The following SMARCA5 variants were observed in gnomAD, a reference collection of about 807,000 sequenced individuals.
SMARCA5 encodes SWI/SNF-related matrix-associated actin-dependent regulator of chromatin subfamily A member 5.
Under a neutral mutation model 140.4 loss-of-function variants are expected in SMARCA5, and 18 were observed. The ratio of observed to expected loss-of-function variants is 0.13; its 90% confidence interval spans 0.09 to 0.19. SMARCA5 has a LOEUF of 0.19. SMARCA5 is among the 10% of genes least tolerant of loss of function. The pLI is 1.00. For missense variants in SMARCA5, 606 were observed against 1,276.8 expected, an observed-to-expected ratio of 0.47 and a Z score of 8.01; for synonymous variants, 449 against 419.6, an observed-to-expected ratio of 1.07 and a Z score of -0.86.
chr4:143,520,553 C>T (rs1736935290), intron 2 of SMARCA5, among the ~76,000 whole-genome samples: 1 of 152,168 alleles, frequency 6.6e-6, no homozygotes, highest in African/African-American at 2.4e-5. Context: ...GTTGTTACAA[C>T]ATTATGGCAT....
At chr4:143,538,453 T>C (rs1446967552) in intron 11 of SMARCA5, 137 bp from the exon 12 acceptor site, 2 of 666,746 alleles carry the variant, frequency 3.0e-6, no homozygotes, top group African/African-American at 3.6e-5. Flanking sequence ...TGGATAATAA[T>C]GTGTAGATTT....
In SMARCA5 at chr4:143,550,032, G is replaced by C; in HGVS notation, c.3021G>C (p.Leu1007Phe). 1 of 1,595,918 alleles carries C rather than the reference G, an allele frequency of 6.3e-7. No individual in the cohort carries two copies. Among genetic ancestry groups the C allele is most frequent in the Non-Finnish European group, 8.5e-7 (1 of 1,172,876 alleles). Residue 1007 changes from leucine to phenylalanine, a missense_variant, in exon 23 of 24, where the codon TTG becomes TTC. Transcript: ENST00000283131. ...LQRRCNTLITLIERENMELEE... is the reference protein window; with the variant it reads ...LQRRCNTLITFIERENMELEE... ...GGAGATGTAATACCTTAATTACTTT[G>C]ATTGAAAGAGAAAACATGGAACTAG...
At chr4:143,532,327 T>C (rs1047589882) in intron 9 of SMARCA5, among the ~76,000 whole-genome samples, 7 of 152,076 alleles carry the variant, frequency 4.6e-5, no homozygotes, top group Admixed American at 6.5e-5. Context: ...AAGAACATGA[T>C]TTTTTTTCAT....
In SMARCA5 at chr4:143,536,695, T is replaced by G. The variant is rs969230155; in HGVS notation, c.1495+17T>G. 1.3e-6 allele frequency: 2 copies of G among 1,536,276 alleles called. No individual in the cohort carries two copies. The highest frequency in any genetic ancestry group is 1.8e-6 in the Non-Finnish European group (2 of 1,112,856). On this transcript the variant is annotated intron_variant, in intron 11 of 23. Transcript: ENST00000283131. ...AAGAACAAGGTATCGGTTACCCGTATCAAATTATCAAAACTGTTTTAAAAT... is the reference window on the plus strand; with the variant it reads ...AAGAACAAGGTATCGGTTACCCGTAGCAAATTATCAAAACTGTTTTAAAAT...
chr4:143,538,445 G>T (rs1737359084), intron 11 of SMARCA5, 145 bp from the exon 12 acceptor site: 1 of 646,116 alleles, frequency 1.5e-6, no homozygotes, highest in Admixed American at 2.6e-5. Context: ...GACTGACTTG[G>T]ATAATAATGT....
intron 7 of SMARCA5, 93 bp from the exon 8 acceptor site, chr4:143,528,487 CATT>C (rs1358211798): frequency 4.8e-6 from 5 of 1,036,876 alleles, no homozygotes; most frequent in Non-Finnish European, 7.0e-6. Flanking sequence ...ACCGGTCTAT[CATT>C]GTTGGGCATT....
chr4:143,521,628 A>T, intron 3 of SMARCA5, 33 bp downstream of exon 3: 1 of 1,552,312 alleles, frequency 6.4e-7, no homozygotes, highest in Non-Finnish European at 8.7e-7. Context: ...TAGTTCAACC[A>T]AACTTATTTT....
chr4:143,540,525 A>C (rs1292150736), intron 14 of SMARCA5, 30 bp downstream of exon 14: 23 of 1,587,988 alleles, frequency 1.4e-5, no homozygotes, highest in Non-Finnish European at 1.8e-5. Flanking sequence ...AACTTTACCA[A>C]GTTGGATTGA....
Position 143,513,950 on chromosome 4 carries a change from C to T in SMARCA5, c.26C>T (p.Pro9Leu), listed in dbSNP as rs1253330066. The change falls in exon 1 of 24, where the codon CCA (proline) becomes CTA (leucine). Residue 9 changes from proline to leucine, a missense_variant. Coordinates refer to ENST00000283131, the MANE Select transcript of SMARCA5 (RefSeq NM_003601.4). MSSAAEPP[P>L]PPPPESAPSK... ...ATGTCGTCCGCGGCCGAGCCTCCGC[C>T]ACCCCCGCCTCCCGAGAGCGCGCCT... The T allele has an allele frequency of 6.5e-7, 1 of 1,549,308 alleles. No homozygotes were observed. Among genetic ancestry groups the T allele is most frequent in the South Asian group, 1.2e-5 (1 of 85,326 alleles).
chr4:143,555,600 G>T lies in SMARCA5; in HGVS notation c.*2416G>T. 1 of 295,526 alleles carries T rather than the reference G, an allele frequency of 3.4e-6. No individual in the cohort carries two copies. The highest frequency in any genetic ancestry group is 6.5e-6 in the Non-Finnish European group (1 of 153,074). 18.3% of individuals were successfully genotyped at this position (295,526 alleles called of 1,614,324 possible). On this transcript the variant is annotated 3_prime_UTR_variant, in exon 24 of 24. Transcript: ENST00000283131. ...TTTTTTTTAACAACAAAGCATGAAA[G>T]ATTGCTTAATTGTACATCTGACAAA...
chr4:143,540,368 A>T lies in SMARCA5; in HGVS notation c.1776A>T (p.Arg592=). The T allele has an allele frequency of 6.2e-7, 1 of 1,604,688 alleles. No homozygotes were observed. The highest frequency in any genetic ancestry group is 8.5e-7 in the Non-Finnish European group (1 of 1,176,474). Residue 592 remains arginine (R), a synonymous_variant, in exon 14 of 24, where the codon CGA becomes CGT. Coordinates refer to ENST00000283131, the MANE Select transcript of SMARCA5 (RefSeq NM_003601.4). ...TAACATGGTAATTTATTTAGGACCG[A>T]GCACATAGAATTGGGCAGACTAAGA... ...NPQVDLQAMD[R]AHRIGQTKTV... is the part of the protein sequence containing the mutation.
chr4:143,552,711 T>C (rs1406863348), intron 23 of SMARCA5, among the ~76,000 whole-genome samples: 1 of 151,992 alleles, frequency 6.6e-6, no homozygotes, highest in Admixed American at 6.6e-5. Context: ...AAAATGTTAT[T>C]TAATAATAGT....
Position 143,544,866 on chromosome 4 carries a change from C to A in SMARCA5, c.2283+19C>A. The A allele has an allele frequency of 8.0e-7, 1 of 1,257,456 alleles. No individual in the cohort carries two copies. Among genetic ancestry groups the A allele is most frequent in the Non-Finnish European group, 1.1e-6 (1 of 881,204 alleles). The allele number at this position is 1,257,456 out of a possible 1,614,324, so 77.9% of individuals were successfully genotyped here. A position where few individuals can be genotyped will look rare whatever the true frequency, so the allele number is the denominator to read the frequency against. ...ACCCAAGGTGAGTTGACTGACACAG[C>A]ATAAAAATATCTAAAAATTTTGAAA... is the stretch of plus-strand genomic sequence containing the variant. On this transcript the variant is annotated intron_variant, in intron 17 of 23. Coordinates refer to ENST00000283131, the MANE Select transcript of SMARCA5 (RefSeq NM_003601.4).
At chr4:143,548,694 T>C (rs1250976541) in intron 22 of SMARCA5, among the ~76,000 whole-genome samples, 1 of 152,126 alleles carries the variant, frequency 6.6e-6, no homozygotes, top group African/African-American at 2.4e-5. Flanking sequence ...ATTGCTCCTT[T>C]TCTTCCTTAT....
At chr4:143,520,645 A>C (rs1177813918) in intron 2 of SMARCA5, among the ~76,000 whole-genome samples, 1 of 152,180 alleles carries the variant, frequency 6.6e-6, no homozygotes, top group Non-Finnish European at 1.5e-5. Context: ...TTATAGACAG[A>C]GATGTTGAGT....
At chr4:143,552,352 T>A (rs1737655594) in intron 23 of SMARCA5, among the ~76,000 whole-genome samples, 1 of 152,094 alleles carries the variant, frequency 6.6e-6, no homozygotes. Context: ...GCAATTTGAC[T>A]TCTTTGTTTC....
intron 13 of SMARCA5, 40 bp from the exon 14 acceptor site, chr4:143,540,323 C>T: frequency 1.3e-6 from 2 of 1,517,130 alleles, no homozygotes; most frequent in Non-Finnish European, 8.9e-7. Context: ...ATTTATGTGA[C>T]TTTTAAACTA....
Position 143,543,664 on chromosome 4 carries a change from T to A in SMARCA5, c.2052+7T>A. The A allele has an allele frequency of 6.2e-7, 1 of 1,607,178 alleles. No individual in the cohort carries two copies. The highest frequency in any genetic ancestry group is 8.5e-7 in the Non-Finnish European group (1 of 1,174,738). On this transcript the variant is annotated splice_region_variant and intron_variant, in intron 15 of 23. Coordinates refer to ENST00000283131, the MANE Select transcript of SMARCA5 (RefSeq NM_003601.4). ...GGAAAGAGGTGCAAAGAAGGTGAGA[T>A]GTAGATTAAATAATGCTTTTAATAT...
chr4:143,514,985 T>A (rs961999229), intron 1 of SMARCA5, among the ~76,000 whole-genome samples: 1 of 152,248 alleles, frequency 6.6e-6, no homozygotes, highest in East Asian at 1.9e-4. Context: ...GCGGGTAAAT[T>A]GGATATGCTT....
Sources: gnomAD v4.1 joint callset for allele counts (sites outside exome capture counted in the v4.1 genomes callset) on GRCh38, gnomAD v4.1.1 for gene constraint, MANE v1.5 for transcripts, NCBI Gene and HGNC (gene_info 2026-07-23, HGNC 2026-07-21) for gene names.